The following SNX24 variants were observed in gnomAD, a reference collection of about 807,000 sequenced individuals.
The protein encoded by SNX24 is sorting nexin-24.
A neutral mutation model predicts 28.7 loss-of-function variants in SNX24; 22 were observed. The observed-to-expected ratio is 0.77, with a 90% CI of 0.55 to 1.10. SNX24 has a LOEUF of 1.10. Among genes scored for constraint, SNX24 ranks in the 50% least tolerant of loss-of-function variants. SNX24 has a pLI of 0.00. For synonymous variants in SNX24, 69 were observed against 71.5 expected (o/e 0.96, Z 0.18); for missense variants, 221 against 201.1 (o/e 1.10, Z -0.60).
intron 1 of SNX24, among the ~76,000 whole-genome samples, chr5:122,883,694 C>T (rs1365460643): frequency 6.6e-6 from 1 of 152,094 alleles, no homozygotes; most frequent in African/African-American, 2.4e-5. Flanking sequence ...GTCACCCAGG[C>T]TGGAGTGCAG....
chr5:122,945,175 G>A (rs1335596065), intron 2 of SNX24, among the ~76,000 whole-genome samples: 2 of 152,028 alleles, frequency 1.3e-5, no homozygotes, highest in African/African-American at 2.4e-5. Context: ...TTTCTCCATC[G>A]TCAGAGTCAG....
At chr5:122,978,710 A>G (rs961659805) in intron 3 of SNX24, among the ~76,000 whole-genome samples, 2 of 152,198 alleles carry the variant, frequency 1.3e-5, no homozygotes, top group South Asian at 4.1e-4. Context: ...GGTATGACTG[A>G]AAGAAACACA....
At chr5:122,934,148 A>G (rs1241788597) in intron 1 of SNX24, among the ~76,000 whole-genome samples, 1 of 152,140 alleles carries the variant, frequency 6.6e-6, no homozygotes, top group African/African-American at 2.4e-5. Flanking sequence ...TGTTGAATAA[A>G]TAAACAGATG....
rs907185547 is a variant in SNX24, at chr5:122,922,621, G to A, written c.61-14113G>A. Among the ~76,000 whole-genome samples, 23 of 151,966 alleles carry A rather than the reference G, an allele frequency of 1.5e-4. 1 individual carries two copies. Among genetic ancestry groups the A allele is most frequent in the Middle Eastern group, 3.4e-3 (1 of 292 alleles). Reference sequence around the variant, plus strand: ...GCAATAAAGGCTATTCCTGGGTTCCGTGGTATAACTTCATATTCTGCAGTT... The same window carrying A: ...GCAATAAAGGCTATTCCTGGGTTCCATGGTATAACTTCATATTCTGCAGTT... On this transcript the variant is annotated intron_variant, in intron 1 of 6. Transcript: ENST00000261369.
At chr5:122,922,379 A>G (rs1474208644) in intron 1 of SNX24, among the ~76,000 whole-genome samples, 3 of 151,994 alleles carry the variant, frequency 2.0e-5, no homozygotes, top group African/African-American at 7.2e-5. Context: ...CAGCCTCCTG[A>G]GTAGCTGGGA....
At chr5:122,846,792 A>C (rs1754656210) in intron 1 of SNX24, among the ~76,000 whole-genome samples, 1 of 152,324 alleles carries the variant, frequency 6.6e-6, no homozygotes, top group African/African-American at 2.4e-5. Flanking sequence ...TTCTGAAACA[A>C]GTTGTTAAAG....
Position 122,939,435 on chromosome 5 carries a change from A to G in SNX24, c.144+2618A>G, listed in dbSNP as rs370820995. Among the ~76,000 whole-genome samples, 16 of 152,206 alleles carry G rather than the reference A, an allele frequency of 1.1e-4. 2 individuals are homozygous for G. Among genetic ancestry groups the G allele is most frequent in the East Asian group, 3.9e-4 (2 of 5,184 alleles). ...GCTAGTGTCTAGATTGTTTTTGCTT[A>G]TTAGTTTGGGTGGCCTATTAATACA... On this transcript the variant is annotated intron_variant, in intron 2 of 6. Coordinates refer to ENST00000261369, the MANE Select transcript of SNX24 (RefSeq NM_014035.4).
intron 2 of SNX24, among the ~76,000 whole-genome samples, chr5:122,937,886 G>T (rs1192396557): frequency 7.9e-5 from 12 of 152,168 alleles, no homozygotes; most frequent in Admixed American, 7.9e-4. Context: ...CCTTCCCAGG[G>T]AAGTGTGTTT....
chr5:123,007,631 TAAGAA>T (rs1310286454), intron 6 of SNX24, 46 bp from the exon 7 acceptor site: 2 of 1,488,062 alleles, frequency 1.3e-6, no homozygotes, highest in Non-Finnish European at 1.8e-6. Flanking sequence ...TTGTTTCACA[TAAGAA>T]AAGCAGTTTT....
At chr5:122,992,261 C>G (rs531545760) in intron 3 of SNX24, among the ~76,000 whole-genome samples, 1 of 152,250 alleles carries the variant, frequency 6.6e-6, no homozygotes, top group African/African-American at 2.4e-5. Flanking sequence ...ATGAACACTA[C>G]TACATATGTT....
intron 5 of SNX24, among the ~76,000 whole-genome samples, 193 bp downstream of exon 5, chr5:123,001,630 T>G (rs1762250000): frequency 6.6e-6 from 1 of 152,228 alleles, no homozygotes; most frequent in Non-Finnish European, 1.5e-5. Context: ...GAGCCCTACA[T>G]TGTTTCATGC....
chr5:122,892,489 G>C (rs1757015319), intron 1 of SNX24, among the ~76,000 whole-genome samples: 1 of 151,230 alleles, frequency 6.6e-6, no homozygotes, highest in Non-Finnish European at 1.5e-5. Context: ...TCTCGCTTTG[G>C]AGTGCAGTGG....
rs1047318058 is a variant in SNX24, at chr5:122,993,350, G to C, written c.250-6562G>C. 2.7e-5 allele frequency among the ~76,000 whole-genome samples: 4 copies of C among 146,674 alleles called. No individual in the cohort carries two copies. The Admixed American group carries it at 2.8e-4, about 10-fold the overall frequency. On this transcript the variant is annotated intron_variant, in intron 3 of 6. Coordinates refer to ENST00000261369, the MANE Select transcript of SNX24 (RefSeq NM_014035.4). ...GTCTTGCTCTGTTGCCCAGGCTGGG[G>C]TGCAGTGGCGCGATCTCGGCTCACT...
chr5:122,972,484 T>C (rs1412505692), intron 3 of SNX24, among the ~76,000 whole-genome samples: 2 of 152,188 alleles, frequency 1.3e-5, no homozygotes, highest in African/African-American at 4.8e-5. Context: ...GGCATTGTAA[T>C]TGTGACTTCA....
intron 1 of SNX24, among the ~76,000 whole-genome samples, chr5:122,847,482 C>G (rs1401236550): frequency 7.0e-6 from 1 of 142,140 alleles, no homozygotes; most frequent in African/African-American, 2.6e-5. Flanking sequence ...GGGAGCTAAA[C>G]TGTTAAAATC....
chr5:122,883,971 A>T (rs154499), intron 1 of SNX24, among the ~76,000 whole-genome samples: 3 of 152,088 alleles, frequency 2.0e-5, no homozygotes, highest in Admixed American at 6.5e-5. Context: ...TTGACTGTTA[A>T]ATTAGAACTT....
Position 122,958,084 on chromosome 5 carries a change from G to A in SNX24, c.249+11925G>A, listed in dbSNP as rs543381212. 7.2e-5 allele frequency among the ~76,000 whole-genome samples: 11 copies of A among 152,134 alleles called. No individual in the cohort carries two copies. In the East Asian group the frequency reaches 1.9e-3, roughly 27 times the overall value. ...TGTTGAATAGAAATGGGGAAAACAG[G>A]CATCATAGTTTTGTTCATGGTTGTA... is the stretch of plus-strand genomic sequence containing the variant. On this transcript the variant is annotated intron_variant, in intron 3 of 6. Transcript: ENST00000261369.
intron 1 of SNX24, among the ~76,000 whole-genome samples, chr5:122,911,929 C>T (rs1455791538): frequency 1.3e-5 from 2 of 149,454 alleles, no homozygotes; most frequent in South Asian, 2.2e-4. Context: ...GTTCTTTTGG[C>T]TTAGGATTGA....
chr5:123,026,221 T>C (rs1374577533), intron 5 of SNX24, among the ~76,000 whole-genome samples: 1 of 152,154 alleles, frequency 6.6e-6, no homozygotes, highest in Non-Finnish European at 1.5e-5. Context: ...TCTGGCCTCA[T>C]ACCAAGGGCC....
Sources: gnomAD v4.1 joint callset for allele counts (sites outside exome capture counted in the v4.1 genomes callset) on GRCh38, gnomAD v4.1.1 for gene constraint, MANE v1.5 for transcripts, NCBI Gene and HGNC (gene_info 2026-07-23, HGNC 2026-07-21) for gene names.